ESRRG: variants seen among roughly 807,000 people sequenced by gnomAD.
The protein encoded by ESRRG is estrogen-related receptor gamma.
A neutral mutation model predicts 44.0 loss-of-function variants in ESRRG; 13 were observed. That is an observed-to-expected ratio of 0.30 (90% CI 0.19 to 0.47). ESRRG has a LOEUF of 0.47. ESRRG is among the 20% of genes least tolerant of loss of function. The pLI, the probability that ESRRG is intolerant of heterozygous loss-of-function variation, is 1.00. For synonymous variants in ESRRG, 215 were observed against 214.6 expected (o/e 1.00, Z -0.02); for missense variants, 395 against 580.6 (o/e 0.68, Z 3.29).
At chr1:216,834,025 G>A (rs1026847573) in intron 2 of ESRRG, among the ~76,000 whole-genome samples, 10 of 152,262 alleles carry the variant, frequency 6.6e-5, no homozygotes, top group East Asian at 3.9e-4. Context: ...AAACAACAGC[G>A]CTGCAGTGAG....
At chr1:216,569,468 G>A (rs1022801726) in intron 3 of ESRRG, among the ~76,000 whole-genome samples, 7 of 152,104 alleles carry the variant, frequency 4.6e-5, no homozygotes, top group East Asian at 1.9e-4. Context: ...TTCTGGCAGC[G>A]GATTTAAAAG....
chr1:216,522,640 T>C (rs995963149), intron 5 of ESRRG, among the ~76,000 whole-genome samples: 1 of 152,048 alleles, frequency 6.6e-6, no homozygotes, highest in African/African-American at 2.4e-5. Context: ...AGAAATTTTA[T>C]CTTAATTCCA....
At position 216,940,686 on chromosome 1, in the gene ESRRG, A is replaced by G. The variant is rs145188618; in HGVS notation, c.-105-1013T>C. On this transcript the variant is annotated intron_variant, in intron 1 of 7. Coordinates refer to the ESRRG transcript ENST00000359162. ...GTGAACACCTCAAAGAGATGCCTGT[A>G]TTGCATTAGAAGACCCTCAGAGGGA... Among the ~76,000 whole-genome samples the G allele has an allele frequency of 2.7e-3, 417 of 152,318 alleles. 8 individuals carry two copies. Among genetic ancestry groups the G allele is most frequent in the Admixed American group, 0.022 (343 of 15,290 alleles).
At chr1:216,909,479 A>AATTT (rs1360122661) in intron 2 of ESRRG, among the ~76,000 whole-genome samples, 1 of 152,124 alleles carries the variant, frequency 6.6e-6, no homozygotes, top group African/African-American at 2.4e-5. Context: ...AGCCTTATCT[A>AATTT]ATTTATTTAT....
intron 2 of ESRRG, among the ~76,000 whole-genome samples, chr1:216,903,465 A>T (rs1039559490): frequency 6.8e-5 from 10 of 148,122 alleles, no homozygotes; most frequent in Non-Finnish European, 1.0e-4. Context: ...GTGTCGGGGG[A>T]CTATGGAGGA....
intron 1 of ESRRG, among the ~76,000 whole-genome samples, chr1:217,081,846 G>A (rs897237937): frequency 1.3e-5 from 2 of 152,126 alleles, no homozygotes; most frequent in African/African-American, 4.8e-5. Context: ...GATTCCTCCA[G>A]CCTTAACAAA....
At chr1:216,600,565 T>G (rs2150136407) in intron 3 of ESRRG, among the ~76,000 whole-genome samples, 1 of 152,288 alleles carries the variant, frequency 6.6e-6, no homozygotes, top group South Asian at 2.1e-4. Context: ...TGCAGCTTGT[T>G]CCATGGGTAA....
At chr1:216,949,087 C>A (rs2066538790) in intron 1 of ESRRG, among the ~76,000 whole-genome samples, 1 of 152,186 alleles carries the variant, frequency 6.6e-6, no homozygotes, top group Non-Finnish European at 1.5e-5. Context: ...AACACCTTCA[C>A]CATGCTGAAG....
intron 2 of ESRRG, among the ~76,000 whole-genome samples, chr1:216,803,610 A>G (rs940985782): frequency 6.6e-5 from 10 of 151,866 alleles, no homozygotes; most frequent in African/African-American, 2.2e-4. Flanking sequence ...TTCCTCTTAC[A>G]TTTTGGTTGG....
At chr1:217,081,784 A>C (rs12125189) in intron 1 of ESRRG, among the ~76,000 whole-genome samples, 24,781 of 152,128 alleles carry the variant, frequency 0.16, 2,318 homozygotes, top group Admixed American at 0.22. Flanking sequence ...CCCTGGGCAT[A>C]TTTTAAAATA....
intron 1 of ESRRG, among the ~76,000 whole-genome samples, chr1:217,084,525 C>T (rs950669124): frequency 6.6e-6 from 1 of 152,246 alleles, no homozygotes; most frequent in East Asian, 1.9e-4. Flanking sequence ...TATGGTTTAT[C>T]CTATTCCATT....
chr1:216,624,411 A>G (rs1344686464), intron 3 of ESRRG, among the ~76,000 whole-genome samples: 1 of 152,218 alleles, frequency 6.6e-6, no homozygotes, highest in Non-Finnish European at 1.5e-5. Context: ...ATGACCCTAC[A>G]GTAGACTGTG....
intron 2 of ESRRG, among the ~76,000 whole-genome samples, chr1:216,821,825 A>C (rs968225245): frequency 1.3e-5 from 2 of 151,914 alleles, no homozygotes; most frequent in African/African-American, 4.8e-5. Context: ...TGCCTATCTC[A>C]CTTGTGTCTT....
intron 3 of ESRRG, among the ~76,000 whole-genome samples, chr1:216,569,435 T>G (rs1045215508): frequency 1.3e-5 from 2 of 152,060 alleles, no homozygotes; most frequent in African/African-American, 4.8e-5. Context: ...AGTGATGGGT[T>G]GGGTCAAGAT....
chr1:216,635,877 G>A (rs1160486222), intron 3 of ESRRG, among the ~76,000 whole-genome samples: 1 of 152,170 alleles, frequency 6.6e-6, no homozygotes, highest in Admixed American at 6.5e-5. Context: ...GATGACATTT[G>A]AGACCAAGCA....
chr1:216,778,917 C>A (rs1162015901), intron 2 of ESRRG, among the ~76,000 whole-genome samples: 1 of 150,824 alleles, frequency 6.6e-6, no homozygotes, highest in Non-Finnish European at 1.5e-5. Flanking sequence ...GCAACAGGTT[C>A]TCAGGGGAAC....
chr1:217,072,879 T>A (rs1388280560), intron 1 of ESRRG, among the ~76,000 whole-genome samples: 1 of 152,070 alleles, frequency 6.6e-6, no homozygotes, highest in Non-Finnish European at 1.5e-5. Flanking sequence ...AGGAATTTCA[T>A]CTCTAGCCTG....
intron 3 of ESRRG, among the ~76,000 whole-genome samples, chr1:216,588,839 C>T (rs1017758246): frequency 6.6e-6 from 1 of 152,122 alleles, no homozygotes; most frequent in Non-Finnish European, 1.5e-5. Flanking sequence ...TCTCCCCACC[C>T]CCAAAACAAG....
intron 1 of ESRRG, among the ~76,000 whole-genome samples, chr1:216,994,776 C>T (rs796356379): frequency 3.6e-4 from 54 of 151,752 alleles, no homozygotes; most frequent in African/African-American, 1.1e-3. Flanking sequence ...TTAGTAGAGA[C>T]GGGCTTTCAC....
Sources: allele counts gnomAD v4.1 joint callset (sites outside exome capture counted in the v4.1 genomes callset), GRCh38; gene constraint gnomAD v4.1.1; transcripts MANE v1.5; gene names NCBI Gene and HGNC (gene_info 2026-07-23, HGNC 2026-07-21).